The following EBF3 variants were observed in gnomAD, a reference collection of about 807,000 sequenced individuals.
EBF3 encodes the protein transcription factor COE3.
In EBF3, 18 loss-of-function variants were observed where a neutral mutation model predicts 77.1. That is an observed-to-expected ratio of 0.23 (90% CI 0.16 to 0.35). The LOEUF is 0.35. Ranked by LOEUF, EBF3 falls within the 10% of genes least tolerant of loss-of-function variation. EBF3 has a pLI of 1.00. For missense variants in EBF3, 558 were observed against 860.0 expected, an observed-to-expected ratio of 0.65 and a Z score of 4.39; for synonymous variants, 350 against 343.5, an observed-to-expected ratio of 1.02 and a Z score of -0.21.
intron 6 of EBF3, among the ~76,000 whole-genome samples, chr10:129,883,145 G>A (rs902650753): frequency 6.6e-6 from 1 of 152,208 alleles, no homozygotes; most frequent in Non-Finnish European, 1.5e-5. Flanking sequence ...GTTTCAGACT[G>A]TTCCAGGGCT....
chr10:129,861,949 C>T lies in EBF3; in HGVS notation c.1039+5192G>A, dbSNP rs1453864938. On this transcript the variant is annotated intron_variant, in intron 10 of 16. Transcript: ENST00000440978. The surrounding 1 kb of genome is among the most constrained non-coding windows in gnomAD (Gnocchi z 4.3). ...GAAGGGCACAGTCGACTCCGCAGTG[C>T]TGACGGGACCGCCTCTCAATGCACA... Among the ~76,000 whole-genome samples the T allele has an allele frequency of 6.6e-6, 1 of 152,182 alleles. No homozygotes were observed. Among genetic ancestry groups the T allele is most frequent in the Non-Finnish European group, 1.5e-5 (1 of 68,042 alleles).
At chr10:129,959,204 TGCCTCCCA>T (rs1336127624) in intron 4 of EBF3, among the ~76,000 whole-genome samples, 197 bp from the exon 5 acceptor site, 1 of 151,994 alleles carries the variant, frequency 6.6e-6, no homozygotes, top group Non-Finnish European at 1.5e-5. Context: ...CTCCCTCCCC[TGCCTCCCA>T]GCCTCCTCCC....
rs1041595388 is a variant in EBF3, at chr10:129,912,133, C to T, written c.555-34284G>A. ...AAGTACAAAAGTTGGGGGAGGTCCT[C>T]GCGCACCAAGAATTTCACCTAAACT... On this transcript the variant is annotated intron_variant, in intron 6 of 16. Transcript: ENST00000440978. Among the ~76,000 whole-genome samples the T allele has an allele frequency of 6.6e-5, 10 of 152,252 alleles. No homozygotes were observed. In the East Asian group the frequency reaches 1.7e-3, roughly 27 times the overall value.
rs1849599568 is a variant in EBF3, at chr10:129,836,154, T to C, written c.*1789A>G. 1 of 152,636 alleles carries C rather than the reference T, an allele frequency of 6.6e-6. No individual in the cohort carries two copies. The highest frequency in any genetic ancestry group is 2.1e-4 in the South Asian group (1 of 4,826). 9.5% of individuals were successfully genotyped at this position (152,636 alleles called of 1,614,324 possible). On this transcript the variant is annotated 3_prime_UTR_variant, in exon 17 of 17. Transcript: ENST00000440978. ...GTTTGTGTGTTTTACACCATACATCTCCAAATGAAGTATTTATTAACAATT... is the reference window on the plus strand; with the variant it reads ...GTTTGTGTGTTTTACACCATACATCCCCAAATGAAGTATTTATTAACAATT...
intron 6 of EBF3, among the ~76,000 whole-genome samples, chr10:129,878,401 A>G (rs1253718062): frequency 2.0e-5 from 3 of 152,108 alleles, no homozygotes; most frequent in African/African-American, 7.2e-5. Flanking sequence ...TAAGAGTTAC[A>G]GTAGCGCCTG....
chr10:129,949,208 G>A (rs993364242), intron 6 of EBF3, among the ~76,000 whole-genome samples: 8 of 152,228 alleles, frequency 5.3e-5, no homozygotes, highest in African/African-American at 1.9e-4. Context: ...GGCTGAGGCA[G>A]GAGAATCACT....
chr10:129,886,412 A>G (rs1207986473), intron 6 of EBF3, among the ~76,000 whole-genome samples: 1 of 152,248 alleles, frequency 6.6e-6, no homozygotes, highest in Non-Finnish European at 1.5e-5. Flanking sequence ...CTGCGTGTCA[A>G]CATATACAAG....
intron 8 of EBF3, 25 bp downstream of exon 8, chr10:129,873,427 A>T: frequency 6.7e-7 from 1 of 1,487,888 alleles, no homozygotes; most frequent in Non-Finnish European, 9.0e-7. Flanking sequence ...TCGCAAATAA[A>T]AAAAGACATG....
chr10:129,893,030 G>C (rs980482240), intron 6 of EBF3, among the ~76,000 whole-genome samples: 1 of 152,236 alleles, frequency 6.6e-6, no homozygotes, highest in African/African-American at 2.4e-5. Flanking sequence ...AGAGCAGGGC[G>C]CTGGGCCCTC....
In EBF3 at chr10:129,864,229, C is replaced by G. The variant is rs1398023728; in HGVS notation, c.1039+2912G>C. Among the ~76,000 whole-genome samples, 2 of 152,122 alleles carry G rather than the reference C, an allele frequency of 1.3e-5. No homozygotes were observed. The highest frequency in any genetic ancestry group is 2.9e-5 in the Non-Finnish European group (2 of 68,008). The stretch of plus-strand genomic sequence containing the variant: ...GGCTACAGACAGGAGAGAGCTGCCC[C>G]CTCCCTGCACCAGCCCCAGAGCAGC... On this transcript the variant is annotated intron_variant, in intron 10 of 16. Coordinates refer to ENST00000440978, the MANE Select transcript of EBF3 (RefSeq NM_001375380.1). This position sits in a 1 kb window ranked among gnomAD's most constrained non-coding sequence, Gnocchi z 4.4.
chr10:129,857,412 T>G (rs1336600389), intron 10 of EBF3, among the ~76,000 whole-genome samples: 1 of 152,054 alleles, frequency 6.6e-6, no homozygotes, highest in African/African-American at 2.4e-5. Context: ...CACAGCCCCA[T>G]GCCCAGCTGG....
At chr10:129,839,337 G>T (rs1231994464) in intron 15 of EBF3, 142 bp from the exon 16 acceptor site, 4 of 391,364 alleles carry the variant, frequency 1.0e-5, no homozygotes, top group Admixed American at 3.2e-5. Context: ...TAATTTAAGT[G>T]CCTGCGGGCC....
intron 6 of EBF3, among the ~76,000 whole-genome samples, chr10:129,921,978 G>A (rs958145950): frequency 2.6e-5 from 4 of 152,172 alleles, no homozygotes; most frequent in Non-Finnish European, 5.9e-5. Context: ...CCCTGCAGAC[G>A]GACATGAGGG....
At chr10:129,948,006 T>C (rs1182889960) in intron 6 of EBF3, among the ~76,000 whole-genome samples, 2 of 152,082 alleles carry the variant, frequency 1.3e-5, no homozygotes, top group African/African-American at 4.8e-5. Context: ...TCTGTAATCC[T>C]AGCACTTTGG....
intron 10 of EBF3, among the ~76,000 whole-genome samples, chr10:129,866,404 C>T (rs1852016130): frequency 6.6e-6 from 1 of 152,210 alleles, no homozygotes; most frequent in Admixed American, 6.5e-5. Flanking sequence ...TGTGAGCCAA[C>T]ATGCCCAGCC....
intron 7 of EBF3, 23 bp from the exon 8 acceptor site, chr10:129,873,619 A>G: frequency 6.7e-7 from 1 of 1,502,390 alleles, no homozygotes; most frequent in South Asian, 1.3e-5. Flanking sequence ...AGTGGATTTG[A>G]AAATGGAATT....
chr10:129,924,643 CCAGGTTTTA>C (rs1564894223), intron 6 of EBF3, among the ~76,000 whole-genome samples: 2 of 152,028 alleles, frequency 1.3e-5, no homozygotes, highest in African/African-American at 4.8e-5. Flanking sequence ...GAATTGCAAG[CCAGGTTTTA>C]AAGAGGTATC....
chr10:129,880,484 C>CAT (rs1853128605), intron 6 of EBF3, among the ~76,000 whole-genome samples: 1 of 150,548 alleles, frequency 6.6e-6, no homozygotes, highest in South Asian at 2.1e-4. Flanking sequence ...TACGCACATA[C>CAT]ATATGCACAC....
chr10:129,913,575 G>C (rs560020903), intron 6 of EBF3, among the ~76,000 whole-genome samples: 3 of 152,382 alleles, frequency 2.0e-5, no homozygotes, highest in Admixed American at 2.0e-4. Flanking sequence ...ACGGTCCTGA[G>C]GCTGCAACCT....
Sources: gnomAD v4.1 joint callset for allele counts (sites outside exome capture counted in the v4.1 genomes callset) on GRCh38, gnomAD v4.1.1 for gene constraint, Gnocchi (gnomAD v3.1) non-coding constraint, MANE v1.5 for transcripts, NCBI Gene and HGNC (gene_info 2026-07-23, HGNC 2026-07-21) for gene names.